Variants in TMPO observed in about 807,000 individuals in gnomAD.
TMPO encodes thymopoietin, also known as LEM domain containing 4.
In TMPO, 22 loss-of-function variants were observed where a neutral mutation model predicts 45.4. The observed-to-expected ratio is 0.48, with a 90% CI of 0.35 to 0.69. The LOEUF (loss-of-function observed/expected upper bound fraction) is 0.69. Among genes scored for constraint, TMPO ranks in the 30% least tolerant of loss-of-function variants. The pLI is 0.01. For missense variants in TMPO, 512 were observed against 548.8 expected, an observed-to-expected ratio of 0.93 and a Z score of 0.67; for synonymous variants, 241 against 204.1, an observed-to-expected ratio of 1.18 and a Z score of -1.54.
chr12:98,546,815 CACTT>C (rs1439448192), intron 8 of TMPO, among the ~76,000 whole-genome samples: 11 of 152,168 alleles, frequency 7.2e-5, no homozygotes, highest in Admixed American at 4.6e-4. Flanking sequence ...TTAAATAAAT[CACTT>C]ACTTACTACT....
intron 7 of TMPO, 116 bp downstream of exon 7, chr12:98,545,177 T>A: frequency 1.4e-6 from 1 of 730,186 alleles, no homozygotes; most frequent in Non-Finnish European, 2.3e-6. Flanking sequence ...CTTTCTTTAT[T>A]GGGTGGTGTG....
intron 4 of TMPO, among the ~76,000 whole-genome samples, chr12:98,539,622 C>T (rs11109523): frequency 0.22 from 32,942 of 151,740 alleles, 4,615 homozygotes; most frequent in Non-Finnish European, 0.31. Context: ...TACAGGTTCC[C>T]GCCACCATGC....
Position 98,537,536 on chromosome 12 carries a change from A to G in TMPO, c.627A>G (p.Pro209=). ...REPLKGRAKT[P]VTLKQRRVEH... ...CACTAAAGGGCAGAGCAAAGACTCC[A>G]GTAACACTCAAGCAAAGAAGAGTTG... Residue 209 remains proline, a synonymous_variant, in exon 4 of 9, where the codon CCA becomes CCG. Coordinates refer to ENST00000556029, the MANE Select transcript of TMPO (RefSeq NM_001032283.3). 1.2e-6 allele frequency: 2 copies of G among 1,613,628 alleles called. No individual in the cohort carries two copies. Among genetic ancestry groups the G allele is most frequent in the Non-Finnish European group, 1.7e-6 (2 of 1,179,716 alleles).
intron 3 of TMPO, among the ~76,000 whole-genome samples, chr12:98,536,875 T>C (rs956730640): frequency 6.6e-6 from 1 of 152,240 alleles, no homozygotes; most frequent in African/African-American, 2.4e-5. Flanking sequence ...ATTGGTCGTA[T>C]TTTTCTGTGA....
Position 98,534,098 on chromosome 12 carries a change from C to T in TMPO, c.565+2260C>T, listed in dbSNP as rs367769644. On this transcript the variant is annotated intron_variant, in intron 3 of 8. Transcript: ENST00000556029. ...TCAGATCCTAGTCGTACCCACCAAG[C>T]GCTTGGGATTCTGAGCAAAACATAT... The T allele has an allele frequency of 5.0e-6, 8 of 1,612,826 alleles. No homozygotes were observed. The highest frequency in any genetic ancestry group is 4.5e-5 in the East Asian group (2 of 44,852).
At position 98,515,676 on chromosome 12, in the gene TMPO, G is replaced by C; in HGVS notation, c.-192G>C. The C allele has an allele frequency of 3.2e-6, 4 of 1,242,348 alleles. No individual in the cohort carries two copies. Among genetic ancestry groups the C allele is most frequent in the Middle Eastern group, 2.8e-4 (1 of 3,560 alleles). 77.0% of individuals were successfully genotyped at this position (1,242,348 alleles called of 1,614,324 possible). On this transcript the variant is annotated 5_prime_UTR_variant, in exon 1 of 9. Coordinates refer to ENST00000556029, the MANE Select transcript of TMPO (RefSeq NM_001032283.3). Reference sequence around the variant, plus strand: ...TTGGCCGCAGTTGGTTCGTAGTTCGGCTCTGGGGTCTTTTGTGTCCGGGTC... The same window carrying C: ...TTGGCCGCAGTTGGTTCGTAGTTCGCCTCTGGGGTCTTTTGTGTCCGGGTC...
Position 98,547,791 on chromosome 12 carries a change from C to T in TMPO, c.1298C>T (p.Ala433Val). 2 of 1,614,054 alleles carry T rather than the reference C, an allele frequency of 1.2e-6. No homozygotes were observed. The highest frequency in any genetic ancestry group is 1.7e-6 in the Non-Finnish European group (2 of 1,180,006). ...GTTTTTTTGTTTTTGGTCTATCAAG[C>T]TATGGAAACCAACCAAGTAAATCCC... ...VAVFLFLVYQ[A>V]METNQVNPFS... The change falls in exon 9 of 9, where the codon GCT (alanine) becomes GTT (valine). Residue 433 changes from alanine to valine, a missense_variant. By Grantham distance (64) the Ala-to-Val change is moderately conservative. This residue lies in a region of TMPO where 209 missense variants were observed against 235.1 expected (regional missense o/e 0.89). Coordinates refer to ENST00000556029, the MANE Select transcript of TMPO (RefSeq NM_001032283.3).
chr12:98,524,612 G>A (rs918378521), intron 1 of TMPO, among the ~76,000 whole-genome samples: 8 of 150,148 alleles, frequency 5.3e-5, no homozygotes, highest in Non-Finnish European at 1.0e-4. Flanking sequence ...GATTTTTTTT[G>A]AGACAGAGTC....
rs577869374 is a variant in TMPO at position 98,533,526 on chromosome 12, G to T, written c.565+1688G>T. 3.1e-6 allele frequency: 5 copies of T among 1,614,148 alleles called. No individual in the cohort carries two copies. In the Admixed American group the frequency reaches 8.3e-5, roughly 27 times the overall value. Reference sequence around the variant, plus strand: ...CTAAGTTTCAAGAAACTGAATTCCTGTCTCCTCCAAGAAAAGTCCCTAGAC... The same window carrying T: ...CTAAGTTTCAAGAAACTGAATTCCTTTCTCCTCCAAGAAAAGTCCCTAGAC... On this transcript the variant is annotated intron_variant, in intron 3 of 8. Transcript: ENST00000556029.
intron 3 of TMPO, chr12:98,534,479 A>T (rs1877445149): frequency 6.7e-7 from 1 of 1,500,022 alleles, no homozygotes; most frequent in Non-Finnish European, 8.8e-7. Context: ...AAATTACAGT[A>T]TAAAAGTAAT....
chr12:98,543,462 C>G (rs1431900463), intron 4 of TMPO, among the ~76,000 whole-genome samples: 1 of 152,196 alleles, frequency 6.6e-6, no homozygotes, highest in African/African-American at 2.4e-5. Context: ...AAGAACTGAT[C>G]TAATGGGTTT....
At chr12:98,535,298 T>G in intron 3 of TMPO, 2 of 982,694 alleles carry the variant, frequency 2.0e-6, no homozygotes, top group Non-Finnish European at 2.4e-6. Context: ...CCATAAGAAA[T>G]TATACTATAT....
intron 1 of TMPO, 124 bp downstream of exon 1, chr12:98,516,270 G>T: frequency 8.0e-7 from 1 of 1,251,846 alleles, no homozygotes; most frequent in Non-Finnish European, 1.0e-6. Context: ...GGCTGTCCCT[G>T]CGCCCCCTCG....
intron 3 of TMPO, chr12:98,535,434 T>G: frequency 5.1e-6 from 5 of 985,328 alleles, no homozygotes; most frequent in Non-Finnish European, 6.0e-6. Context: ...TAAAATATGG[T>G]CTCTTGGGTA....
In TMPO at chr12:98,522,624, T is replaced by C. The variant is rs1472787743; in HGVS notation, c.280-5262T>C. 2.0e-5 allele frequency among the ~76,000 whole-genome samples: 3 copies of C among 152,222 alleles called. 1 individual carries two copies. Among genetic ancestry groups the C allele is most frequent in the South Asian group, 4.1e-4 (2 of 4,830 alleles). Reference sequence around the variant, plus strand: ...ATGTGAAGTGTCTAGTGCTTAGTAATTAATAGCCATTAAATGATTTCTGAA... The same window carrying C: ...ATGTGAAGTGTCTAGTGCTTAGTAACTAATAGCCATTAAATGATTTCTGAA... On this transcript the variant is annotated intron_variant, in intron 1 of 8. Transcript: ENST00000556029.
At chr12:98,543,029 CA>C in intron 4 of TMPO, among the ~76,000 whole-genome samples, 1 of 152,112 alleles carries the variant, frequency 6.6e-6, no homozygotes, top group Non-Finnish European at 1.5e-5. Flanking sequence ...ATATCAATTC[CA>C]AATATAGATA....
intron 3 of TMPO, chr12:98,535,654 A>G: frequency 1.0e-6 from 1 of 985,472 alleles, no homozygotes; most frequent in Non-Finnish European, 1.2e-6. Context: ...CTCCAGAAAC[A>G]TGTTGTTCTG....
At chr12:98,525,878 C>T (rs933031488) in intron 1 of TMPO, among the ~76,000 whole-genome samples, 2 of 152,070 alleles carry the variant, frequency 1.3e-5, no homozygotes, top group Admixed American at 6.6e-5. Context: ...GTGAGCATTC[C>T]ATACAACTTG....
intron 3 of TMPO, chr12:98,534,511 CTT>C (rs1389052246): frequency 1.4e-6 from 2 of 1,429,026 alleles, no homozygotes; most frequent in African/African-American, 2.9e-5. Flanking sequence ...AACTACTTGT[CTT>C]TTCTAAAGAT....
Sources: gnomAD v4.1 joint callset for allele counts (sites outside exome capture counted in the v4.1 genomes callset) on GRCh38, gnomAD v4.1.1 for gene constraint, gnomAD v4.1.1 regional missense constraint, MANE v1.5 for transcripts, NCBI Gene and HGNC (gene_info 2026-07-23, HGNC 2026-07-21) for gene names.